DAAM1: variants seen among roughly 807,000 people sequenced by gnomAD.
DAAM1 encodes dishevelled associated activator of morphogenesis 1.
A neutral mutation model predicts 130.0 loss-of-function variants in DAAM1; 52 were observed. The observed-to-expected ratio is 0.40, with a 90% CI of 0.32 to 0.50. The LOEUF is 0.50. DAAM1 is among the 20% of genes least tolerant of loss of function. The pLI is 0.61. For synonymous variants in DAAM1, 452 were observed against 444.5 expected (o/e 1.02, Z -0.21); for missense variants, 1,134 against 1,303.8 (o/e 0.87, Z 2.01).
intron 3 of DAAM1, among the ~76,000 whole-genome samples, chr14:59,314,555 G>GGGCT (rs1566698717): frequency 6.6e-6 from 1 of 152,020 alleles, no homozygotes; most frequent in African/African-American, 2.4e-5. Context: ...GGGGGCTTAG[G>GGGCT]GGCTGGCTCC....
At chr14:59,215,445 T>C (rs1888546847) in intron 1 of DAAM1, among the ~76,000 whole-genome samples, 1 of 152,174 alleles carries the variant, frequency 6.6e-6, no homozygotes, top group Non-Finnish European at 1.5e-5. Context: ...GTTCAGTCAG[T>C]GTTTGGAAAA....
chr14:59,213,874 T>A lies in DAAM1; in HGVS notation c.-38+25106T>A, dbSNP rs536407905. ...GTGACATACTTTGCCTTGTCCTGAT[T>A]TTAAGCATTGGGCAAGCAGAATCTG... On this transcript the variant is annotated intron_variant, in intron 1 of 24. Coordinates refer to ENST00000360909, the MANE Select transcript of DAAM1 (RefSeq NM_001270520.2). Among the ~76,000 whole-genome samples, 137 of 152,334 alleles carry A rather than the reference T, an allele frequency of 9.0e-4. 2 individuals are homozygous for A. The highest frequency in any genetic ancestry group is 3.2e-3 in the African/African-American group (133 of 41,572).
Position 59,367,620 on chromosome 14 carries a change from C to CCAATT in DAAM1, c.2997+23_2997+27dup, listed in dbSNP as rs574568467. ...CTCAGGTGAGAGGATGATTAATTGA[C>CCAATT]CAATTCCACCTCCTAGAAGTTCTAT... On this transcript the variant is annotated intron_variant, in intron 24 of 24. Coordinates refer to ENST00000360909, the MANE Select transcript of DAAM1 (RefSeq NM_001270520.2). The CCAATT allele has an allele frequency of 7.2e-4, 1,157 of 1,606,284 alleles. 15 individuals are homozygous for CCAATT. The East Asian group carries it at 0.022, about 31-fold the overall frequency.
intron 22 of DAAM1, 142 bp from the exon 23 acceptor site, chr14:59,363,509 T>C: frequency 8.2e-7 from 1 of 1,219,540 alleles, no homozygotes; most frequent in Non-Finnish European, 1.1e-6. Flanking sequence ...GGCACTAGAG[T>C]ATAACAAAAT....
rs776227843 is a variant in DAAM1, at chr14:59,363,750, G to T, written c.2794G>T (p.Val932Phe). 1 of 1,614,094 alleles carries T rather than the reference G, an allele frequency of 6.2e-7. No homozygotes were observed. Among genetic ancestry groups the T allele is most frequent in the African/African-American group, 1.3e-5 (1 of 75,048 alleles). ...ITVASFSFSD[V>F]EDLLAEAKDL... ...AGTAGCCAGCTTCAGCTTCTCTGAT[G>T]TTGAAGACCTTCTAGCAGAAGCTAA... The change falls in exon 23 of 25, where the codon GTT (valine) becomes TTT (phenylalanine). Residue 932 changes from valine to phenylalanine, a missense_variant. Coordinates refer to ENST00000360909, the MANE Select transcript of DAAM1 (RefSeq NM_001270520.2).
intron 1 of DAAM1, among the ~76,000 whole-genome samples, chr14:59,219,026 A>G (rs1185102001): frequency 6.6e-6 from 1 of 152,184 alleles, no homozygotes; most frequent in Non-Finnish European, 1.5e-5. Flanking sequence ...AGTGGCAGTT[A>G]TTGGAAAGAC....
In DAAM1 at chr14:59,195,771, T is replaced by G. The variant is rs186250254; in HGVS notation, c.-38+7003T>G. On this transcript the variant is annotated intron_variant, in intron 1 of 24. Transcript: ENST00000360909. ...GATAGGTTCTTATATTCTGGCTTGT[T>G]GGCTAGCTCAGTTTGTTAGTGACAT... Among the ~76,000 whole-genome samples, 331 of 152,318 alleles carry G rather than the reference T, an allele frequency of 2.2e-3. 2 individuals are homozygous for G. The highest frequency in any genetic ancestry group is 7.4e-3 in the African/African-American group (309 of 41,580).
At chr14:59,334,052 A>G (rs193226135) in intron 15 of DAAM1, among the ~76,000 whole-genome samples, 1 of 152,234 alleles carries the variant, frequency 6.6e-6, no homozygotes, top group Non-Finnish European at 1.5e-5. Flanking sequence ...CATATTTTCA[A>G]TAGCACTTCC....
At chr14:59,363,618 C>T in intron 22 of DAAM1, 33 bp from the exon 23 acceptor site, 1 of 1,613,198 alleles carries the variant, frequency 6.2e-7, no homozygotes, top group Non-Finnish European at 8.5e-7. Context: ...TATTTGAAGC[C>T]TGCATTGACA....
chr14:59,278,820 C>T (rs2139537585), intron 2 of DAAM1, among the ~76,000 whole-genome samples: 1 of 152,264 alleles, frequency 6.6e-6, no homozygotes, highest in African/African-American at 2.4e-5. Flanking sequence ...GAAACTGTAA[C>T]ATTTCCCAGA....
intron 16 of DAAM1, among the ~76,000 whole-genome samples, chr14:59,343,483 A>G (rs1005264522): frequency 6.6e-6 from 1 of 151,498 alleles, no homozygotes; most frequent in African/African-American, 2.4e-5. Flanking sequence ...TTTCATTCCC[A>G]GAGACTGGTG....
chr14:59,295,395 A>G (rs1441850606), intron 3 of DAAM1, among the ~76,000 whole-genome samples: 1 of 152,198 alleles, frequency 6.6e-6, no homozygotes, highest in Non-Finnish European at 1.5e-5. Flanking sequence ...TACATACTGA[A>G]GACATCTAAG....
chr14:59,311,584 T>C (rs1217994934), intron 3 of DAAM1, among the ~76,000 whole-genome samples: 1 of 151,858 alleles, frequency 6.6e-6, no homozygotes, highest in Non-Finnish European at 1.5e-5. Flanking sequence ...AACCTTCCCT[T>C]CTGTTATCCA....
chr14:59,324,482 A>G (rs1299572264), intron 8 of DAAM1, 28 bp downstream of exon 8: 5 of 1,470,898 alleles, frequency 3.4e-6, no homozygotes, highest in East Asian at 2.4e-5. Flanking sequence ...GATGTGAGAA[A>G]GTTTCTGTGT....
chr14:59,263,344 G>T (rs575381272), intron 1 of DAAM1, 97 bp from the exon 2 acceptor site: 37 of 1,060,166 alleles, frequency 3.5e-5, no homozygotes, highest in African/African-American at 8.0e-5. Flanking sequence ...ACACAGTGTC[G>T]TCAGCACACG....
chr14:59,210,446 G>A (rs1888393385), intron 1 of DAAM1, among the ~76,000 whole-genome samples: 3 of 152,126 alleles, frequency 2.0e-5, no homozygotes, highest in Admixed American at 1.3e-4. Context: ...GACCAGAAAT[G>A]GGAGTAATTA....
At chr14:59,296,665 C>T (rs1883965540) in intron 3 of DAAM1, among the ~76,000 whole-genome samples, 1 of 152,146 alleles carries the variant, frequency 6.6e-6, no homozygotes, top group Non-Finnish European at 1.5e-5. Context: ...CCACTTTGAC[C>T]CACCATTGGT....
At chr14:59,248,853 G>A (rs1462736924) in intron 1 of DAAM1, among the ~76,000 whole-genome samples, 1 of 152,060 alleles carries the variant, frequency 6.6e-6, no homozygotes, top group Non-Finnish European at 1.5e-5. Context: ...GTGCGATCTC[G>A]GCTCACTGCA....
intron 1 of DAAM1, among the ~76,000 whole-genome samples, chr14:59,254,330 T>C (rs17095954): frequency 0.067 from 10,209 of 152,230 alleles, 1,166 homozygotes; most frequent in African/African-American, 0.23. Flanking sequence ...TGCATTCTTT[T>C]GTATATTTGT....
Sources: gnomAD v4.1 joint callset for allele counts (sites outside exome capture counted in the v4.1 genomes callset) on GRCh38, gnomAD v4.1.1 for gene constraint, MANE v1.5 for transcripts, NCBI Gene and HGNC (gene_info 2026-07-23, HGNC 2026-07-21) for gene names.